The following CADM2 variants were observed in gnomAD, a reference collection of about 807,000 sequenced individuals.
CADM2 encodes the protein cell adhesion molecule 2, also known as immunoglobulin superfamily member 4D.
Under a neutral mutation model 49.8 loss-of-function variants are expected in CADM2, and 12 were observed. The observed-to-expected ratio is 0.24, with a 90% CI of 0.15 to 0.39. The LOEUF (loss-of-function observed/expected upper bound fraction) is 0.39, where lower values mean the gene tolerates loss of function less well. CADM2 is among the 10% of genes least tolerant of loss of function. The pLI, the probability that CADM2 is intolerant of heterozygous loss-of-function variation, is 1.00. For synonymous variants in CADM2, 214 were observed against 175.4 expected (o/e 1.22, Z -1.74); for missense variants, 378 against 492.3 (o/e 0.77, Z 2.20).
chr3:85,911,424 A>G (rs1436442234), intron 5 of CADM2, among the ~76,000 whole-genome samples: 3 of 152,244 alleles, frequency 2.0e-5, no homozygotes, highest in Non-Finnish European at 4.4e-5. Context: ...ATGAATTCAC[A>G]TCTTGTAGAA....
chr3:86,017,538 T>A (rs1169256515), intron 8 of CADM2, among the ~76,000 whole-genome samples: 4 of 151,906 alleles, frequency 2.6e-5, no homozygotes, highest in African/African-American at 9.7e-5. Flanking sequence ...GAGAGCAGAC[T>A]GGGAAACTTG....
At chr3:85,844,353 A>C (rs941173406) in intron 3 of CADM2, among the ~76,000 whole-genome samples, 6 of 152,120 alleles carry the variant, frequency 3.9e-5, no homozygotes, top group African/African-American at 1.4e-4. Flanking sequence ...TTCTTTTGGA[A>C]TAAAAACAAA....
intron 1 of CADM2, among the ~76,000 whole-genome samples, chr3:85,689,908 C>T (rs186123489): frequency 8.6e-5 from 13 of 152,004 alleles, no homozygotes; most frequent in African/African-American, 1.4e-4. Context: ...TTTGGTAAGA[C>T]GAAAACAACA....
intron 1 of CADM2, among the ~76,000 whole-genome samples, chr3:85,036,509 T>G (rs1376452960): frequency 6.6e-6 from 1 of 152,082 alleles, no homozygotes; most frequent in African/African-American, 2.4e-5. Context: ...AATGAACTTT[T>G]CTACCCACTC....
chr3:85,599,353 C>G (rs1374059307), intron 1 of CADM2, among the ~76,000 whole-genome samples: 2 of 151,972 alleles, frequency 1.3e-5, no homozygotes. Flanking sequence ...GAATTACAGT[C>G]TTTTAACCTG....
chr3:85,102,928 A>G (rs371064336), intron 1 of CADM2, among the ~76,000 whole-genome samples: 42 of 152,294 alleles, frequency 2.8e-4, no homozygotes, highest in Middle Eastern at 3.4e-3. Context: ...CTTGTGAGTC[A>G]ATGATAAGGT....
intron 6 of CADM2, among the ~76,000 whole-genome samples, chr3:85,923,192 T>C (rs2108508257): frequency 6.6e-6 from 1 of 152,268 alleles, no homozygotes; most frequent in Middle Eastern, 3.4e-3. Context: ...TTATGGACTG[T>C]GTAAAGTAAA....
chr3:85,408,638 C>A (rs1474807238), intron 1 of CADM2, among the ~76,000 whole-genome samples: 1 of 152,130 alleles, frequency 6.6e-6, no homozygotes, highest in Non-Finnish European at 1.5e-5. Flanking sequence ...AGAGATATCC[C>A]TCTTATTCTG....
intron 1 of CADM2, among the ~76,000 whole-genome samples, chr3:85,428,636 TATA>T (rs1338526778): frequency 1.4e-5 from 2 of 145,718 alleles, no homozygotes; most frequent in Non-Finnish European, 3.0e-5. Context: ...CATATAAAAA[TATA>T]AGAATTATAT....
intron 1 of CADM2, among the ~76,000 whole-genome samples, chr3:85,599,293 A>G (rs1016479322): frequency 6.6e-6 from 1 of 152,026 alleles, no homozygotes; most frequent in Admixed American, 6.6e-5. Flanking sequence ...GGCCACTATT[A>G]GGTCTTGGCT....
At chr3:85,405,700 G>GT (rs1004055579) in intron 1 of CADM2, among the ~76,000 whole-genome samples, 2 of 151,352 alleles carry the variant, frequency 1.3e-5, no homozygotes, top group Non-Finnish European at 2.9e-5. Context: ...AAAGCTCCTA[G>GT]TTTTTTTTTA....
intron 8 of CADM2, among the ~76,000 whole-genome samples, chr3:86,010,908 T>C (rs973518637): frequency 1.3e-5 from 2 of 151,832 alleles, no homozygotes; most frequent in African/African-American, 2.4e-5. Context: ...ACTCTAGGCA[T>C]AGATATCTGA....
intron 1 of CADM2, among the ~76,000 whole-genome samples, chr3:85,333,329 A>G (rs1038839568): frequency 2.6e-5 from 4 of 151,856 alleles, no homozygotes; most frequent in Non-Finnish European, 4.4e-5. Flanking sequence ...AATGAGGGTG[A>G]TAGAATACCT....
intron 1 of CADM2, among the ~76,000 whole-genome samples, chr3:85,055,536 C>G (rs537410736): frequency 6.6e-6 from 1 of 152,082 alleles, no homozygotes; most frequent in East Asian, 1.9e-4. Flanking sequence ...AGTGGCAATT[C>G]TCTTACACAT....
chr3:85,555,143 G>A (rs535246220), intron 1 of CADM2, among the ~76,000 whole-genome samples: 5 of 152,082 alleles, frequency 3.3e-5, no homozygotes, highest in South Asian at 2.1e-4. Flanking sequence ...GTTAGGGCAC[G>A]TCATTCCAGT....
chr3:85,438,127 A>T (rs1278083580), intron 1 of CADM2, among the ~76,000 whole-genome samples: 3 of 152,080 alleles, frequency 2.0e-5, no homozygotes, highest in Non-Finnish European at 2.9e-5. Context: ...ATTCTTATTT[A>T]TTTATTGCTT....
chr3:85,648,305 A>G (rs182296692), intron 1 of CADM2, among the ~76,000 whole-genome samples: 3 of 152,054 alleles, frequency 2.0e-5, no homozygotes, highest in Admixed American at 2.0e-4. Flanking sequence ...TTAAGTAGAC[A>G]CTATTTTGAT....
intron 8 of CADM2, among the ~76,000 whole-genome samples, chr3:85,976,249 G>A (rs1726766261): frequency 6.6e-6 from 1 of 151,514 alleles, no homozygotes; most frequent in Non-Finnish European, 1.5e-5. Flanking sequence ...CATTAACAGT[G>A]TAAGAGGTTT....
intron 8 of CADM2, among the ~76,000 whole-genome samples, chr3:86,040,133 A>G (rs1446471507): frequency 1.3e-5 from 2 of 152,190 alleles, no homozygotes; most frequent in Non-Finnish European, 2.9e-5. Context: ...AAGATGGGGA[A>G]AAAACAGAGC....
Sources: gnomAD v4.1 joint callset for allele counts (sites outside exome capture counted in the v4.1 genomes callset) on GRCh38, gnomAD v4.1.1 for gene constraint, MANE v1.5 for transcripts, NCBI Gene and HGNC (gene_info 2026-07-23, HGNC 2026-07-21) for gene names.